FCHSD2: variants seen among roughly 807,000 people sequenced by gnomAD.
The protein encoded by FCHSD2 is FCH and double SH3 domains 2.
In FCHSD2, 38 loss-of-function variants were observed where a neutral mutation model predicts 108.1. That is an observed-to-expected ratio of 0.35 (90% confidence interval 0.27 to 0.46). The LOEUF is 0.46. Ranked by LOEUF, FCHSD2 falls within the 20% of genes least tolerant of loss-of-function variation. The probability of loss-of-function intolerance (pLI) is 1.00; values close to 1 mark genes in which losing one functional copy is unlikely to be tolerated. For missense variants in FCHSD2, 751 were observed against 897.8 expected (o/e 0.84, Z 2.09); for synonymous variants, 279 against 314.7 (o/e 0.89, Z 1.20).
At chr11:73,089,509 T>C (rs765359282) in intron 2 of FCHSD2, among the ~76,000 whole-genome samples, 1 of 152,206 alleles carries the variant, frequency 6.6e-6, no homozygotes, top group East Asian at 1.9e-4. Context: ...TTATTCATAA[T>C]ATCCAAACAG....
At chr11:72,975,088 C>T (rs1390715733) in intron 8 of FCHSD2, among the ~76,000 whole-genome samples, 1 of 152,166 alleles carries the variant, frequency 6.6e-6, no homozygotes, top group African/African-American at 2.4e-5. Flanking sequence ...CTGTTCCTGG[C>T]TTATTTCACT....
intron 18 of FCHSD2, 135 bp from the exon 19 acceptor site, chr11:72,841,094 G>T (rs1860915300): frequency 5.8e-6 from 4 of 687,914 alleles, no homozygotes; most frequent in South Asian, 1.6e-5. Context: ...CTTGAGGCCA[G>T]AAGTTCAAGG....
At chr11:73,107,035 CTA>C (rs138664316) in intron 2 of FCHSD2, among the ~76,000 whole-genome samples, 34 of 148,806 alleles carry the variant, frequency 2.3e-4, no homozygotes, top group Middle Eastern at 3.4e-3. Context: ...GTTAGAAAAG[CTA>C]TATATATATA....
intron 8 of FCHSD2, among the ~76,000 whole-genome samples, chr11:72,929,690 T>C (rs1012779776): frequency 2.0e-5 from 3 of 152,178 alleles, no homozygotes; most frequent in Admixed American, 6.5e-5. Context: ...TAAATATTTA[T>C]ATAGACTTTG....
At chr11:72,987,474 C>T (rs1857331734) in intron 6 of FCHSD2, among the ~76,000 whole-genome samples, 1 of 152,170 alleles carries the variant, frequency 6.6e-6, no homozygotes, top group African/African-American at 2.4e-5. Flanking sequence ...ACAAAGCTTA[C>T]CTTACTCATC....
intron 8 of FCHSD2, among the ~76,000 whole-genome samples, chr11:72,944,686 G>C (rs1856485175): frequency 6.6e-6 from 1 of 152,146 alleles, no homozygotes; most frequent in African/African-American, 2.4e-5. Flanking sequence ...TAAGCTGATA[G>C]GCAACTTCAG....
At chr11:73,107,836 T>C (rs1318145657) in intron 2 of FCHSD2, among the ~76,000 whole-genome samples, 1 of 152,232 alleles carries the variant, frequency 6.6e-6, no homozygotes, top group Non-Finnish European at 1.5e-5. Flanking sequence ...GTTTTCTTTA[T>C]CCATTTATCT....
chr11:72,954,728 A>G (rs1215399889), intron 8 of FCHSD2, among the ~76,000 whole-genome samples: 7 of 152,166 alleles, frequency 4.6e-5, no homozygotes, highest in African/African-American at 1.4e-4. Context: ...AAAGAGATTA[A>G]GAAAATATAT....
intron 8 of FCHSD2, among the ~76,000 whole-genome samples, chr11:72,942,037 T>C (rs1856429867): frequency 6.6e-6 from 1 of 152,202 alleles, no homozygotes; most frequent in South Asian, 2.1e-4. Flanking sequence ...AGTTTGAATG[T>C]TTTGTCCCCT....
intron 9 of FCHSD2, among the ~76,000 whole-genome samples, chr11:72,906,436 A>C (rs1283067447): frequency 6.6e-6 from 1 of 151,902 alleles, no homozygotes; most frequent in Non-Finnish European, 1.5e-5. Context: ...TTAATTAGAT[A>C]CTATTTGTCT....
intron 2 of FCHSD2, among the ~76,000 whole-genome samples, chr11:73,136,416 C>T (rs77429641): frequency 0.022 from 3,339 of 151,680 alleles, 80 homozygotes; most frequent in African/African-American, 0.059. Context: ...AAAAATTAGC[C>T]GCGCACCTGG....
At chr11:72,856,053 C>T (rs922203822) in intron 13 of FCHSD2, among the ~76,000 whole-genome samples, 1 of 152,212 alleles carries the variant, frequency 6.6e-6, no homozygotes, top group Admixed American at 6.5e-5. Context: ...AATGTTTACA[C>T]ATTTAAGGTT....
chr11:72,940,566 G>T, intron 8 of FCHSD2: 1 of 1,177,218 alleles, frequency 8.5e-7, no homozygotes. Flanking sequence ...GCTTTCTTCT[G>T]AGAGTCAGCT....
At chr11:72,873,947 T>C (rs758752222) in intron 12 of FCHSD2, among the ~76,000 whole-genome samples, 1 of 152,228 alleles carries the variant, frequency 6.6e-6, no homozygotes, top group Non-Finnish European at 1.5e-5. Context: ...AAAAGGATAC[T>C]ACCGTGCCAC....
chr11:73,111,627 C>CT (rs1860488208), intron 2 of FCHSD2, among the ~76,000 whole-genome samples: 1 of 152,004 alleles, frequency 6.6e-6, no homozygotes, highest in South Asian at 2.1e-4. Flanking sequence ...TAAAGACTTA[C>CT]TCCTGTTATT....
chr11:73,049,481 A>G (rs1858842520), intron 3 of FCHSD2, among the ~76,000 whole-genome samples: 1 of 145,906 alleles, frequency 6.9e-6, no homozygotes, highest in Non-Finnish European at 1.5e-5. Flanking sequence ...GTAGACTACT[A>G]GAAAGAGATA....
intron 6 of FCHSD2, among the ~76,000 whole-genome samples, chr11:72,985,563 T>C (rs902280097): frequency 1.3e-5 from 2 of 152,202 alleles, no homozygotes; most frequent in Non-Finnish European, 2.9e-5. Flanking sequence ...TGAAAGACTC[T>C]AACAATAGGC....
At chr11:73,062,584 G>A (rs1271779546) in intron 3 of FCHSD2, among the ~76,000 whole-genome samples, 1 of 152,106 alleles carries the variant, frequency 6.6e-6, no homozygotes, top group African/African-American at 2.4e-5. Context: ...CCAGTGTAGA[G>A]GAGAACATAA....
chr11:72,899,879 T>C (rs902810262), intron 10 of FCHSD2, among the ~76,000 whole-genome samples: 1 of 151,762 alleles, frequency 6.6e-6, no homozygotes, highest in Non-Finnish European at 1.5e-5. Context: ...GAAGACAGAA[T>C]AGCACAGCAG....
Sources: allele counts gnomAD v4.1 joint callset (sites outside exome capture counted in the v4.1 genomes callset), GRCh38; gene constraint gnomAD v4.1.1; transcripts MANE v1.5; gene names NCBI Gene and HGNC (gene_info 2026-07-23, HGNC 2026-07-21).